The following ABR variants were observed in gnomAD, a reference collection of about 807,000 sequenced individuals.
ABR encodes the protein ABR activator of RhoGEF and GTPase.
A neutral mutation model predicts 107.2 loss-of-function variants in ABR; 35 were observed. The observed-to-expected ratio is 0.33, with a 90% confidence interval of 0.25 to 0.43. The LOEUF is 0.43. Ranked by LOEUF, ABR falls within the 20% of genes least tolerant of loss-of-function variation. The pLI, the probability that ABR is intolerant of heterozygous loss-of-function variation, is 1.00. For missense variants in ABR, 815 were observed against 1,115.2 expected (o/e 0.73, Z 3.83); for synonymous variants, 498 against 462.0 (o/e 1.08, Z -1.00).
chr17:1,108,876 C>A (rs1201952647), intron 2 of ABR: 15 of 1,509,332 alleles, frequency 9.9e-6, no homozygotes, highest in Non-Finnish European at 1.2e-5. Flanking sequence ...TTCTCCCGCG[C>A]ACCTTCGGCA....
At position 1,016,589 on chromosome 17, in the gene ABR, T is replaced by G. The variant is rs1481239127; in HGVS notation, c.1792-3425A>C. On this transcript the variant is annotated intron_variant, in intron 16 of 22. Transcript: ENST00000302538. Reference sequence around the variant, plus strand: ...CCTCGGCCTCCCAAAGTGCTGGGATTACAGGTGTGACCCACCATGCCTGGC... The same window carrying G: ...CCTCGGCCTCCCAAAGTGCTGGGATGACAGGTGTGACCCACCATGCCTGGC... Among the ~76,000 whole-genome samples the G allele has an allele frequency of 2.6e-5, 4 of 152,094 alleles. No individual in the cohort carries two copies. In the East Asian group the frequency reaches 7.7e-4, roughly 29 times the overall value.
chr17:1,128,964 A>G (rs1238553675), intron 1 of ABR, among the ~76,000 whole-genome samples: 1 of 152,252 alleles, frequency 6.6e-6, no homozygotes, highest in African/African-American at 2.4e-5. Flanking sequence ...AAAAGTGCCA[A>G]ATGCAATTTG....
At chr17:1,067,037 G>C (rs1423027504) in intron 10 of ABR, 40 bp downstream of exon 10, 1 of 1,603,716 alleles carries the variant, frequency 6.2e-7, no homozygotes, top group South Asian at 1.1e-5. Context: ...AACACAGCTG[G>C]CTCAAAGGGC....
rs556515909 is a variant in ABR, at chr17:1,054,508, T to C, written c.1561+1527A>G. Among the ~76,000 whole-genome samples, 337 of 115,558 alleles carry C rather than the reference T, an allele frequency of 2.9e-3. 9 individuals are homozygous for C. Among genetic ancestry groups the C allele is most frequent in the African/African-American group, 0.012 (316 of 25,726 alleles). The allele number at this position is 115,558 out of a possible 152,430, so 75.8% of individuals were successfully genotyped here. A position where few individuals can be genotyped will look rare whatever the true frequency, so the allele number is the denominator to read the frequency against. On this transcript the variant is annotated intron_variant, in intron 14 of 22. Coordinates refer to ENST00000302538, the MANE Select transcript of ABR (RefSeq NM_021962.5). ...ACAAGGAACCTCAAAGGGATGGGGA[T>C]ACAAGGAACCTCAGGGGATGGGGGC...
At chr17:1,087,164 G>A (rs904292883) in intron 4 of ABR, among the ~76,000 whole-genome samples, 3 of 152,180 alleles carry the variant, frequency 2.0e-5, no homozygotes, top group Non-Finnish European at 2.9e-5. Flanking sequence ...CAGCAGCAAG[G>A]GGGATACAGC....
chr17:1,107,724 C>T (rs1198538891), intron 2 of ABR, among the ~76,000 whole-genome samples: 1 of 152,192 alleles, frequency 6.6e-6, no homozygotes, highest in African/African-American at 2.4e-5. Context: ...CCTGAGCCCA[C>T]GGGGAGACGT....
At chr17:1,189,749 G>C (rs151142844), upstream of ABR, among the ~76,000 whole-genome samples, 198 of 152,272 alleles carry the variant, frequency 1.3e-3, 2 homozygotes, top group African/African-American at 4.5e-3. Flanking sequence ...AGGAAGGCCT[G>C]CGTCGTTCCC....
chr17:1,219,183 C>T (rs1008700740), intron 1 of ABR, among the ~76,000 whole-genome samples: 8 of 152,082 alleles, frequency 5.3e-5, no homozygotes, highest in Non-Finnish European at 1.2e-4. Context: ...GCTGGGATTA[C>T]AGGTGCCTGC....
At position 1,050,529 on chromosome 17, in the gene ABR, C is replaced by T; in HGVS notation, c.1659+8G>A. 6.2e-7 allele frequency: 1 copy of T among 1,613,024 alleles called. No homozygotes were observed. The highest frequency in any genetic ancestry group is 8.5e-7 in the Non-Finnish European group (1 of 1,179,130). On this transcript the variant is annotated splice_region_variant and intron_variant, in intron 15 of 22. Coordinates refer to ENST00000302538, the MANE Select transcript of ABR (RefSeq NM_021962.5). This position sits in a 1 kb window ranked among gnomAD's most constrained non-coding sequence, Gnocchi z 4.6. ...GTCCCCACAGAGATGCCAGCCCCTGCCACTCACCTCATCCCACTTGGGCTC... is the reference window on the plus strand; with the variant it reads ...GTCCCCACAGAGATGCCAGCCCCTGTCACTCACCTCATCCCACTTGGGCTC...
intron 1 of ABR, among the ~76,000 whole-genome samples, chr17:1,172,728 T>C (rs1179082248): frequency 6.6e-6 from 1 of 151,280 alleles, no homozygotes; most frequent in African/African-American, 2.4e-5. Context: ...CCAGCCTGGG[T>C]GACAGAGCAA....
intron 16 of ABR, among the ~76,000 whole-genome samples, chr17:1,013,901 G>GT (rs969258545): frequency 2.6e-4 from 39 of 152,336 alleles, no homozygotes; most frequent in African/African-American, 9.1e-4. Context: ...TTCTGTTTCT[G>GT]TAACTCGGGG....
chr17:1,110,592 CCG>C (rs2038616410), intron 2 of ABR, among the ~76,000 whole-genome samples: 2 of 152,180 alleles, frequency 1.3e-5, no homozygotes, highest in Admixed American at 6.5e-5. Context: ...CACCTGTGGC[CCG>C]AGTTCAGGCC....
intron 14 of ABR, among the ~76,000 whole-genome samples, chr17:1,054,552 CGGGGGCACAAAGAACCTGAGGGGAT>C (rs2033009275): frequency 3.0e-4 from 8 of 26,450 alleles, no homozygotes; most frequent in African/African-American, 1.2e-3. Context: ...CCTGAGGGGA[CGGGGGCACAAAGAACCTGAGGGGAT>C]GGGGGCACAA....
rs189863149 is a variant in ABR, at chr17:1,050,738, C to A, written c.1562-104G>T. 1.2e-4 allele frequency: 104 copies of A among 895,572 alleles called. No homozygotes were observed. Among genetic ancestry groups the A allele is most frequent in the Non-Finnish European group, 1.8e-4 (97 of 548,564 alleles). The allele number at this position is 895,572 out of a possible 1,614,324, so 55.5% of individuals were successfully genotyped here. ...GGGACATCGCATCTGTCCTTTCCAA[C>A]GTCCCCACGGATGGCATCTTGGCTC... On this transcript the variant is annotated intron_variant, in intron 14 of 22. Coordinates refer to ENST00000302538, the MANE Select transcript of ABR (RefSeq NM_021962.5). The surrounding 1 kb of genome is among the most constrained non-coding windows in gnomAD (Gnocchi z 4.6).
chr17:1,139,234 AAG>A (rs575518127), intron 1 of ABR, among the ~76,000 whole-genome samples: 193 of 152,278 alleles, frequency 1.3e-3, no homozygotes, highest in Non-Finnish European at 1.8e-3. Context: ...CAGAAAAAAA[AAG>A]AGGTTTTTTT....
rs907057296 is a variant in ABR, at chr17:1,225,835, T to C, written c.838+2958A>G. Among the ~76,000 whole-genome samples, 4 of 152,172 alleles carry C rather than the reference T, an allele frequency of 2.6e-5. No individual in the cohort carries two copies. The South Asian group carries it at 8.3e-4, about 32-fold the overall frequency. On this transcript the variant is annotated intron_variant, in intron 1 of 22. Coordinates refer to the ABR transcript ENST00000574139. ...GTGCTTATTAGCCTCAGTTTACAGA[T>C]GAGGGGACTCAGGCTCAGAAAAGTC...
At chr17:1,162,506 C>T (rs189814230) in intron 1 of ABR, among the ~76,000 whole-genome samples, 4 of 152,360 alleles carry the variant, frequency 2.6e-5, no homozygotes, top group African/African-American at 9.6e-5. Flanking sequence ...GGGCTGTGCA[C>T]GCTCCTGCCC....
chr17:1,162,288 G>A (rs2041331432), intron 1 of ABR, among the ~76,000 whole-genome samples: 1 of 152,218 alleles, frequency 6.6e-6, no homozygotes, highest in Non-Finnish European at 1.5e-5. Context: ...ACATACGTGG[G>A]ACAGGCGTTT....
intron 10 of ABR, among the ~76,000 whole-genome samples, chr17:1,061,616 G>A (rs987117404): frequency 2.6e-5 from 4 of 151,878 alleles, no homozygotes; most frequent in Middle Eastern, 3.4e-3. Flanking sequence ...GCGTGATCTC[G>A]GCTCACTGCA....
Sources: allele counts gnomAD v4.1 joint callset (sites outside exome capture counted in the v4.1 genomes callset), GRCh38; gene constraint gnomAD v4.1.1; non-coding constraint Gnocchi (gnomAD v3.1); transcripts MANE v1.5; gene names NCBI Gene and HGNC (gene_info 2026-07-23, HGNC 2026-07-21).